C1orf105: variants seen among roughly 807,000 people sequenced by gnomAD.
C1orf105 encodes uncharacterized protein C1orf105.
Under a neutral mutation model 20.8 loss-of-function variants are expected in C1orf105, and 17 were observed. The ratio of observed to expected loss-of-function variants is 0.82; its 90% CI spans 0.56 to 1.23. The LOEUF (loss-of-function observed/expected upper bound fraction) is 1.23, where lower values mean the gene tolerates loss of function less well. Among genes scored for constraint, C1orf105 ranks in the 50% most tolerant of loss-of-function variants. The pLI is 0.00. For synonymous variants in C1orf105, 72 were observed against 72.1 expected (o/e 1.00, Z 0.01); for missense variants, 219 against 213.5 (o/e 1.03, Z -0.16).
intron 1 of C1orf105, among the ~76,000 whole-genome samples, chr1:172,432,885 A>G (rs1026745526): frequency 6.6e-6 from 1 of 152,248 alleles, no homozygotes; most frequent in Non-Finnish European, 1.5e-5. Flanking sequence ...GGACAGATGA[A>G]TGGCTAACTA....
intron 1 of C1orf105, chr1:172,444,225 A>G: frequency 1.0e-6 from 1 of 985,914 alleles, no homozygotes; most frequent in African/African-American, 1.7e-5. Flanking sequence ...CTCTGAGCCT[A>G]GGAAGGCAAA....
intron 4 of C1orf105, among the ~76,000 whole-genome samples, chr1:172,457,696 C>A (rs1210037791): frequency 6.6e-6 from 1 of 152,210 alleles, no homozygotes; most frequent in Non-Finnish European, 1.5e-5. Flanking sequence ...GGCCAGCTGG[C>A]ACACTTGGGA....
chr1:172,467,362 T>A (rs563988424), intron 6 of C1orf105, among the ~76,000 whole-genome samples: 32 of 152,296 alleles, frequency 2.1e-4, no homozygotes, highest in African/African-American at 6.7e-4. Flanking sequence ...TATCCTTACA[T>A]ATTATCAATA....
chr1:172,434,826 G>C (rs926978360), intron 1 of C1orf105, among the ~76,000 whole-genome samples: 1 of 152,184 alleles, frequency 6.6e-6, no homozygotes, highest in Non-Finnish European at 1.5e-5. Flanking sequence ...TTTTTGAAAA[G>C]ATCAACAAAA....
At chr1:172,434,971 CTA>C (rs1464408257) in intron 1 of C1orf105, among the ~76,000 whole-genome samples, 5 of 152,220 alleles carry the variant, frequency 3.3e-5, no homozygotes, top group African/African-American at 1.2e-4. Context: ...ATAAACACCT[CTA>C]TGCAAATGAA....
At chr1:172,452,581 A>T in intron 3 of C1orf105, among the ~76,000 whole-genome samples, 1 of 152,236 alleles carries the variant, frequency 6.6e-6, no homozygotes, top group African/African-American at 2.4e-5. Flanking sequence ...AGAGAAATAT[A>T]TTTCTCTGTT....
At chr1:172,458,170 C>A (rs1208055203) in intron 4 of C1orf105, among the ~76,000 whole-genome samples, 2 of 152,172 alleles carry the variant, frequency 1.3e-5, no homozygotes, top group African/African-American at 2.4e-5. Context: ...AGAAACAGGG[C>A]AACAATGTCT....
At chr1:172,421,654 C>CT (rs1282980062) in intron 1 of C1orf105, among the ~76,000 whole-genome samples, 1 of 152,144 alleles carries the variant, frequency 6.6e-6, no homozygotes, top group African/African-American at 2.4e-5. Flanking sequence ...TAACAACTAT[C>CT]TACACAAAAA....
intron 1 of C1orf105, among the ~76,000 whole-genome samples, chr1:172,423,745 T>C (rs1349968381): frequency 6.6e-6 from 1 of 151,878 alleles, no homozygotes; most frequent in Non-Finnish European, 1.5e-5. Context: ...CAGAATTCTA[T>C]CAAATAAATT....
At chr1:172,437,552 G>C (rs1471622459) in intron 1 of C1orf105, among the ~76,000 whole-genome samples, 1 of 135,668 alleles carries the variant, frequency 7.4e-6, no homozygotes, top group Non-Finnish European at 1.6e-5. Flanking sequence ...CTTTGACACA[G>C]GGTGGGGAAC....
At chr1:172,455,874 T>A (rs1302114175) in intron 3 of C1orf105, among the ~76,000 whole-genome samples, 2 of 152,098 alleles carry the variant, frequency 1.3e-5, no homozygotes, top group East Asian at 1.9e-4. Flanking sequence ...GGACCATGGA[T>A]GCATGAGAGC....
chr1:172,441,651 G>T, intron 1 of C1orf105: 2 of 1,243,272 alleles, frequency 1.6e-6, no homozygotes, highest in Admixed American at 2.4e-5. Context: ...TTCCAGAATG[G>T]AACTCTGTCT....
intron 3 of C1orf105, 88 bp from the exon 4 acceptor site, chr1:172,456,327 C>A (rs895258217): frequency 2.4e-5 from 27 of 1,122,074 alleles, no homozygotes; most frequent in Admixed American, 5.3e-5. Context: ...ACTGTTACCT[C>A]TCTCACCCCT....
At chr1:172,460,966 T>C (rs1649653455) in intron 4 of C1orf105, among the ~76,000 whole-genome samples, 1 of 152,230 alleles carries the variant, frequency 6.6e-6, no homozygotes, top group Non-Finnish European at 1.5e-5. Flanking sequence ...ATTTAGGGGA[T>C]TTAGAACAGC....
Position 172,447,053 on chromosome 1 carries a change from T to A in C1orf105, c.108-1388T>A, listed in dbSNP as rs1400518277. 5.3e-5 allele frequency among the ~76,000 whole-genome samples: 8 copies of A among 152,196 alleles called. No homozygotes were observed. In the East Asian group the frequency reaches 1.5e-3, roughly 29 times the overall value. On this transcript the variant is annotated intron_variant, in intron 2 of 6. Transcript: ENST00000367727. The stretch of plus-strand genomic sequence containing the variant: ...AGGAGGACAAGACGGGAATGAAAAG[T>A]CTTTTGAAAGGATGGTTTAAGTATC...
chr1:172,450,635 A>G (rs1338590680), intron 3 of C1orf105, among the ~76,000 whole-genome samples: 1 of 152,198 alleles, frequency 6.6e-6, no homozygotes, highest in Non-Finnish European at 1.5e-5. Context: ...CAGAGGTGCA[A>G]AGCTCCTGCC....
At position 172,445,175 on chromosome 1, in the gene C1orf105, C is replaced by T. The variant is rs762235605; in HGVS notation, c.107+17C>T. The T allele has an allele frequency of 3.8e-5, 60 of 1,592,612 alleles. No homozygotes were observed. Among genetic ancestry groups the T allele is most frequent in the African/African-American group, 2.7e-4 (20 of 74,184 alleles). On this transcript the variant is annotated intron_variant, in intron 2 of 6. Transcript: ENST00000367727. Reference sequence around the variant, plus strand: ...TCCCAGAAGGTAACCTCTCAGCCACCGAGGGCAAAAGTTTTACGAAACATC... The same window carrying T: ...TCCCAGAAGGTAACCTCTCAGCCACTGAGGGCAAAAGTTTTACGAAACATC...
chr1:172,432,712 C>G (rs1183702719), intron 1 of C1orf105, among the ~76,000 whole-genome samples: 1 of 152,216 alleles, frequency 6.6e-6, no homozygotes, highest in African/African-American at 2.4e-5. Flanking sequence ...CTCTTCTCCT[C>G]CAAAGGATCG....
intron 4 of C1orf105, among the ~76,000 whole-genome samples, chr1:172,456,786 T>C (rs1329157650): frequency 6.6e-6 from 1 of 152,098 alleles, no homozygotes; most frequent in Non-Finnish European, 1.5e-5. Context: ...GCTTAGGGGA[T>C]TATGGAGCTC....
Sources: gnomAD v4.1 joint callset for allele counts (sites outside exome capture counted in the v4.1 genomes callset) on GRCh38, gnomAD v4.1.1 for gene constraint, MANE v1.5 for transcripts, NCBI Gene and HGNC (gene_info 2026-07-23, HGNC 2026-07-21) for gene names.